The following RFX3 variants were observed in gnomAD, a reference collection of about 807,000 sequenced individuals.
The protein encoded by RFX3 is regulatory factor X3.
RFX3 carries 14 observed loss-of-function variants against 98.6 expected under a neutral mutation model. That is an observed-to-expected ratio of 0.14 (90% CI 0.09 to 0.22). The LOEUF is 0.22. Ranked by LOEUF, RFX3 falls within the 10% of genes least tolerant of loss-of-function variation. The probability of loss-of-function intolerance (pLI) is 1.00; values close to 1 mark genes in which losing one functional copy is unlikely to be tolerated. For missense variants in RFX3, 639 were observed against 926.9 expected (o/e 0.69, Z 4.03); for synonymous variants, 383 against 328.4 (o/e 1.17, Z -1.80).
chr9:3,315,934 T>A (rs1367130283), intron 4 of RFX3, among the ~76,000 whole-genome samples: 1 of 152,174 alleles, frequency 6.6e-6, no homozygotes, highest in Non-Finnish European at 1.5e-5. Flanking sequence ...ACAGCCGAAT[T>A]CTACTAGAGG....
intron 15 of RFX3, among the ~76,000 whole-genome samples, chr9:3,229,200 G>C (rs1277276075): frequency 2.0e-5 from 3 of 152,128 alleles, no homozygotes; most frequent in East Asian, 1.9e-4. Flanking sequence ...GGATGACTTG[G>C]ATGAAGACTG....
chr9:3,264,602 T>C (rs560588221), intron 12 of RFX3, among the ~76,000 whole-genome samples: 1 of 152,312 alleles, frequency 6.6e-6, no homozygotes, highest in East Asian at 1.9e-4. Context: ...ATAACTATCT[T>C]ATTAGACACA....
intron 2 of RFX3, among the ~76,000 whole-genome samples, chr9:3,381,155 ACAAAC>A (rs1839149553): frequency 6.6e-6 from 1 of 152,070 alleles, no homozygotes; most frequent in Non-Finnish European, 1.5e-5. Context: ...CCCATAGGCA[ACAAAC>A]CCTCAAAGTC....
chr9:3,504,972 A>ATAATATAATATATTATATATAATATATC (rs1316211073), intron 1 of RFX3, among the ~76,000 whole-genome samples: 8 of 66,262 alleles, frequency 1.2e-4, no homozygotes, highest in East Asian at 9.6e-4. Context: ...TATAATATAT[A>ATAATATAATATATTATATATAATATATC]TTATATAATA....
At chr9:3,417,902 A>G (rs1013066848) in intron 1 of RFX3, among the ~76,000 whole-genome samples, 2 of 152,194 alleles carry the variant, frequency 1.3e-5, no homozygotes, top group Non-Finnish European at 2.9e-5. Context: ...TTTTTAAATG[A>G]GCAGTCTTGG....
intron 1 of RFX3, among the ~76,000 whole-genome samples, chr9:3,481,260 T>C (rs1018443656): frequency 5.9e-5 from 9 of 152,160 alleles, no homozygotes; most frequent in Non-Finnish European, 1.0e-4. Flanking sequence ...TAATGCCTAA[T>C]AGGCACTTGA....
intron 1 of RFX3, among the ~76,000 whole-genome samples, chr9:3,405,583 C>T (rs114630525): frequency 1.4e-3 from 218 of 152,294 alleles, no homozygotes; most frequent in African/African-American, 5.1e-3. Context: ...CTACTGACGG[C>T]ATAAGATAAA....
At chr9:3,476,077 G>T (rs371977819) in intron 1 of RFX3, among the ~76,000 whole-genome samples, 47 of 152,068 alleles carry the variant, frequency 3.1e-4, no homozygotes, top group Middle Eastern at 6.8e-3. Context: ...TCTCTGTATG[G>T]CCTAGTTTTT....
intron 1 of RFX3, among the ~76,000 whole-genome samples, chr9:3,429,460 T>TA (rs1191301929): frequency 6.6e-6 from 1 of 151,356 alleles, no homozygotes; most frequent in Admixed American, 6.6e-5. Context: ...TCTGTGGAGA[T>TA]AGACATAAAT....
At chr9:3,414,763 T>TGTATATATGAGTATATATGTATATATGA (rs1564069588) in intron 1 of RFX3, among the ~76,000 whole-genome samples, 11 of 133,524 alleles carry the variant, frequency 8.2e-5, no homozygotes, top group African/African-American at 3.1e-4. Flanking sequence ...TGAGTATATA[T>TGTATATATGAGTATATATGTATATATGA]GTATATATGA....
intron 1 of RFX3, among the ~76,000 whole-genome samples, chr9:3,483,481 G>C (rs981674193): frequency 2.6e-5 from 4 of 152,172 alleles, no homozygotes. Context: ...ATGAGACACA[G>C]ATAATACAAA....
intron 11 of RFX3, among the ~76,000 whole-genome samples, chr9:3,267,617 C>A (rs370925542): frequency 7.9e-5 from 12 of 151,780 alleles, no homozygotes; most frequent in African/African-American, 2.7e-4. Flanking sequence ...AACACTCAAG[C>A]AGTGCAGATC....
intron 1 of RFX3, among the ~76,000 whole-genome samples, chr9:3,412,210 C>T (rs1441842890): frequency 6.6e-6 from 1 of 152,110 alleles, no homozygotes; most frequent in Non-Finnish European, 1.5e-5. Flanking sequence ...CAACACTAAT[C>T]ATGTTGTATT....
rs566943355 is a variant in RFX3 at position 3,501,456 on chromosome 9, C to T, written c.-9+24291G>A. On this transcript the variant is annotated intron_variant, in intron 1 of 16. Coordinates refer to ENST00000617270, the MANE Select transcript of RFX3 (RefSeq NM_001282116.2). Reference sequence around the variant, plus strand: ...TAAAAATATTATTTCTCCTGACAGACTATTTCCTTATTTTGTTTCTTCAAA... The same window carrying T: ...TAAAAATATTATTTCTCCTGACAGATTATTTCCTTATTTTGTTTCTTCAAA... Among the ~76,000 whole-genome samples, 20 of 151,900 alleles carry T rather than the reference C, an allele frequency of 1.3e-4. No homozygotes were observed. In the South Asian group the frequency reaches 4.2e-3, roughly 32 times the overall value.
At chr9:3,285,074 G>C (rs539044504) in intron 7 of RFX3, among the ~76,000 whole-genome samples, 1 of 151,720 alleles carries the variant, frequency 6.6e-6, no homozygotes, top group African/African-American at 2.4e-5. Flanking sequence ...AAATTCATGA[G>C]AAAAATGTAC....
intron 1 of RFX3, among the ~76,000 whole-genome samples, chr9:3,437,664 A>G (rs573120911): frequency 1.3e-5 from 2 of 152,112 alleles, no homozygotes; most frequent in South Asian, 2.1e-4. Context: ...GTTCCACCCT[A>G]CTTCCTAGGA....
chr9:3,485,851 G>A (rs1007425167), intron 1 of RFX3, among the ~76,000 whole-genome samples: 8 of 152,088 alleles, frequency 5.3e-5, no homozygotes, highest in Admixed American at 3.9e-4. Context: ...TTGGCTGAGT[G>A]CAGTGGCTCA....
At chr9:3,438,235 G>A (rs1357490407) in intron 1 of RFX3, among the ~76,000 whole-genome samples, 2 of 152,032 alleles carry the variant, frequency 1.3e-5, no homozygotes, top group Non-Finnish European at 1.5e-5. Context: ...AAGTATTATG[G>A]CAAATGCAAA....
chr9:3,474,117 G>C (rs1037436488), intron 1 of RFX3, among the ~76,000 whole-genome samples: 2 of 152,116 alleles, frequency 1.3e-5, no homozygotes, highest in African/African-American at 4.8e-5. Context: ...TGCTCTGCAA[G>C]TGTCTCAATT....
Sources: allele counts gnomAD v4.1 joint callset (sites outside exome capture counted in the v4.1 genomes callset), GRCh38; gene constraint gnomAD v4.1.1; transcripts MANE v1.5; gene names NCBI Gene and HGNC (gene_info 2026-07-23, HGNC 2026-07-21).